The following LGR4 variants were observed in gnomAD, a reference collection of about 807,000 sequenced individuals.
The protein encoded by LGR4 is leucine rich repeat containing G protein-coupled receptor 4.
In LGR4, 44 loss-of-function variants were observed where a neutral mutation model predicts 84.8. The ratio of observed to expected loss-of-function variants is 0.52; its 90% confidence interval spans 0.41 to 0.67. The LOEUF (loss-of-function observed/expected upper bound fraction) is 0.67. Among genes scored for constraint, LGR4 ranks in the 30% least tolerant of loss-of-function variants. The probability of loss-of-function intolerance (pLI) is 0.00; values close to 1 mark genes in which losing one functional copy is unlikely to be tolerated. For missense variants in LGR4, 1,032 were observed against 1,131.4 expected (o/e 0.91, Z 1.26); for synonymous variants, 429 against 434.3 (o/e 0.99, Z 0.15).
Position 27,380,896 on chromosome 11 carries a change from T to C in LGR4, c.829A>G (p.Ile277Val), listed in dbSNP as rs143341718. 3.3e-6 allele frequency: 5 copies of C among 1,519,436 alleles called. No individual in the cohort carries two copies. Among genetic ancestry groups the C allele is most frequent in the Non-Finnish European group, 4.6e-6 (5 of 1,095,474 alleles). 94.1% of individuals were successfully genotyped at this position (1,519,436 alleles called of 1,614,324 possible). ...AFDGNPLLRT[I>V]HLYDNPLSFV... ...AAAGAAACTTTCAAAAATACTTACA[T>C]AGTTCTTAAGAGTGGATTACCATCA... The change falls in exon 8 of 18, where the codon ATA (isoleucine) becomes GTA (valine). Residue 277 changes from isoleucine (I) to valine (V), a missense_variant and splice_region_variant. By Grantham distance (29) the Ile-to-Val change is conservative. Transcript: ENST00000379214.
intron 1 of LGR4, among the ~76,000 whole-genome samples, chr11:27,434,208 T>C (rs1284321512): frequency 6.6e-6 from 1 of 152,240 alleles, no homozygotes; most frequent in East Asian, 1.9e-4. Flanking sequence ...ATCTGGAACC[T>C]GACGAGGCAG....
Position 27,378,690 on chromosome 11 carries a change from A to G in LGR4, c.1043+7T>C. The G allele has an allele frequency of 6.3e-7, 1 of 1,584,720 alleles. No individual in the cohort carries two copies. Among genetic ancestry groups the G allele is most frequent in the Non-Finnish European group, 8.7e-7 (1 of 1,154,786 alleles). Reference sequence around the variant, plus strand: ...TATGAGGGGAAGGGAAGAAGAATCCAACTTACAAAGTCCTAAGCATCTTTT... The same window carrying G: ...TATGAGGGGAAGGGAAGAAGAATCCGACTTACAAAGTCCTAAGCATCTTTT... On this transcript the variant is annotated splice_region_variant and intron_variant, in intron 11 of 17. Coordinates refer to ENST00000379214, the MANE Select transcript of LGR4 (RefSeq NM_018490.5).
chr11:27,384,777 G>A (rs909240152), intron 5 of LGR4, among the ~76,000 whole-genome samples: 2 of 152,142 alleles, frequency 1.3e-5, no homozygotes, highest in African/African-American at 2.4e-5. Context: ...GTAATGGTGT[G>A]GAGGAAGTGT....
chr11:27,469,941 T>C (rs1864841909), intron 1 of LGR4, among the ~76,000 whole-genome samples: 1 of 152,198 alleles, frequency 6.6e-6, no homozygotes, highest in Non-Finnish European at 1.5e-5. Context: ...TGAGAATCAC[T>C]GAATGAGCTA....
At chr11:27,435,065 G>C (rs1344705030) in intron 1 of LGR4, among the ~76,000 whole-genome samples, 5 of 152,138 alleles carry the variant, frequency 3.3e-5, no homozygotes, top group African/African-American at 1.2e-4. Context: ...GCCAGGTGCA[G>C]AGGCTCATGG....
intron 1 of LGR4, among the ~76,000 whole-genome samples, chr11:27,438,827 A>T (rs926349138): frequency 2.0e-5 from 3 of 152,118 alleles, no homozygotes; most frequent in African/African-American, 7.2e-5. Flanking sequence ...TCTAACTGAA[A>T]CTTACCCCAT....
At chr11:27,378,463 T>G in intron 11 of LGR4, among the ~76,000 whole-genome samples, 1 of 152,132 alleles carries the variant, frequency 6.6e-6, no homozygotes, top group East Asian at 1.9e-4. Context: ...CTATCTTGGT[T>G]TTACTTTGTT....
At chr11:27,409,709 T>A (rs1863674769) in intron 2 of LGR4, among the ~76,000 whole-genome samples, 1 of 152,124 alleles carries the variant, frequency 6.6e-6, no homozygotes, top group African/African-American at 2.4e-5. Context: ...AAGACACAAC[T>A]TTATGCGTCC....
At chr11:27,454,525 C>T (rs1195700920) in intron 1 of LGR4, among the ~76,000 whole-genome samples, 2 of 152,070 alleles carry the variant, frequency 1.3e-5, no homozygotes, top group African/African-American at 4.8e-5. Flanking sequence ...TTTGGGAGGC[C>T]AAGGCAGATA....
intron 1 of LGR4, among the ~76,000 whole-genome samples, chr11:27,428,263 G>A (rs1452557318): frequency 1.3e-5 from 2 of 151,600 alleles, no homozygotes; most frequent in African/African-American, 2.4e-5. Context: ...CCAGCCTCCC[G>A]AGAGCTGGGA....
intron 2 of LGR4, among the ~76,000 whole-genome samples, chr11:27,400,015 C>A (rs572357210): frequency 6.6e-5 from 10 of 152,234 alleles, no homozygotes; most frequent in African/African-American, 1.9e-4. Flanking sequence ...TTGTGTAGTA[C>A]TTCTCATTTT....
At chr11:27,466,528 C>G (rs1225206505) in intron 1 of LGR4, among the ~76,000 whole-genome samples, 3 of 152,156 alleles carry the variant, frequency 2.0e-5, no homozygotes, top group Non-Finnish European at 4.4e-5. Context: ...GAGAGATAGA[C>G]CTGACAGAGA....
intron 2 of LGR4, among the ~76,000 whole-genome samples, chr11:27,401,914 T>C (rs1422605099): frequency 6.6e-6 from 1 of 152,108 alleles, no homozygotes; most frequent in Non-Finnish European, 1.5e-5. Context: ...AGGCATGCAA[T>C]ACGCTGCTAA....
intron 1 of LGR4, among the ~76,000 whole-genome samples, chr11:27,450,005 C>T (rs1864455264): frequency 6.6e-6 from 1 of 152,182 alleles, no homozygotes. Flanking sequence ...AAAGGCAGAA[C>T]TTGGCTACAT....
chr11:27,429,058 A>C (rs1864072281), intron 1 of LGR4, among the ~76,000 whole-genome samples: 1 of 152,212 alleles, frequency 6.6e-6, no homozygotes, highest in South Asian at 2.1e-4. Flanking sequence ...AATGCCAAAG[A>C]GGAGGTAAAG....
intron 2 of LGR4, among the ~76,000 whole-genome samples, chr11:27,401,803 T>A (rs187582735): frequency 6.6e-6 from 1 of 152,266 alleles, no homozygotes; most frequent in Admixed American, 6.5e-5. Context: ...GTCACCAAGG[T>A]CATATAGAAG....
At chr11:27,390,024 T>C (rs1863254133) in intron 4 of LGR4, among the ~76,000 whole-genome samples, 1 of 152,182 alleles carries the variant, frequency 6.6e-6, no homozygotes, top group Non-Finnish European at 1.5e-5. Context: ...GTTTATGGGT[T>C]AGATACAGTT....
At chr11:27,428,120 T>C (rs1864055875) in intron 1 of LGR4, among the ~76,000 whole-genome samples, 1 of 152,062 alleles carries the variant, frequency 6.6e-6, no homozygotes, top group Admixed American at 6.6e-5. Flanking sequence ...ACGCATTTTT[T>C]GGTAAGCTAT....
At chr11:27,386,645 T>A (rs1002319377) in intron 4 of LGR4, among the ~76,000 whole-genome samples, 1 of 152,174 alleles carries the variant, frequency 6.6e-6, no homozygotes, top group Non-Finnish European at 1.5e-5. Context: ...TCCACCACAG[T>A]CAAGTTCTGG....
Sources: allele counts gnomAD v4.1 joint callset (sites outside exome capture counted in the v4.1 genomes callset), GRCh38; gene constraint gnomAD v4.1.1; transcripts MANE v1.5; gene names NCBI Gene and HGNC (gene_info 2026-07-23, HGNC 2026-07-21).